The following ACAN variants were observed in gnomAD, a reference collection of about 807,000 sequenced individuals.
The protein encoded by ACAN is aggrecan core protein.
In ACAN, 47 loss-of-function variants were observed where a neutral mutation model predicts 169.1. That is an observed-to-expected ratio of 0.28 (90% CI 0.22 to 0.35). The LOEUF is 0.35. ACAN is among the 10% of genes least tolerant of loss of function. ACAN has a pLI of 1.00. For synonymous variants in ACAN, 1,115 were observed against 1,112.2 expected (o/e 1.00, Z -0.05); for missense variants, 2,716 against 2,759.9 (o/e 0.98, Z 0.36).
chr15:88,830,236 A>G (rs1398533208), intron 1 of ACAN, among the ~76,000 whole-genome samples: 1 of 152,228 alleles, frequency 6.6e-6, no homozygotes, highest in Non-Finnish European at 1.5e-5. Context: ...AGGACAGCAC[A>G]ATGAATGGAG....
Position 88,845,761 on chromosome 15 carries a change from T to G in ACAN, c.1308T>G (p.Thr436=), listed in dbSNP as rs1312932998. 6.2e-7 allele frequency: 1 copy of G among 1,610,388 alleles called. No homozygotes were observed. Among genetic ancestry groups the G allele is most frequent in the African/African-American group, 1.3e-5 (1 of 74,828 alleles). ...CCTTCGCTGAGGTTGAGAATGAGAC[T>G]GGAGAGGCCACCAGGCCCTGGGGCT... is the stretch of plus-strand genomic sequence containing the variant. ...ATAFAEVENE[T]GEATRPWGFP... Residue 436 remains threonine, a synonymous_variant, in exon 7 of 19, where the codon ACT becomes ACG. Coordinates refer to ENST00000560601, the MANE Select transcript of ACAN (RefSeq NM_001369268.1).
intron 1 of ACAN, among the ~76,000 whole-genome samples, chr15:88,819,165 C>T (rs1170496447): frequency 2.6e-5 from 4 of 152,110 alleles, no homozygotes; most frequent in Non-Finnish European, 4.4e-5. Context: ...TACAGGCTGG[C>T]AGAGGACTGG....
rs1436478586 is a variant in ACAN at position 88,857,040 on chromosome 15, G to A, written c.4455G>A (p.Glu1485=). The change falls in exon 12 of 19, where the codon GAG becomes GAA. Residue 1485 remains glutamate (E), a synonymous_variant. Transcript: ENST00000560601. ...EVLEISVSGV[E]DISGLPSGEV... is the part of the protein sequence containing the mutation. The stretch of plus-strand genomic sequence containing the variant: ...TAGAGATTTCTGTCTCTGGAGTAGA[G>A]GACATCAGTGGGCTTCCTTCTGGAG... The A allele has an allele frequency of 6.2e-7, 1 of 1,613,440 alleles. No individual in the cohort carries two copies. Among genetic ancestry groups the A allele is most frequent in the African/African-American group, 1.3e-5 (1 of 74,990 alleles).
In ACAN at chr15:88,874,751, A is replaced by C. The variant is rs1163279918; in HGVS notation, c.*270A>C. On this transcript the variant is annotated 3_prime_UTR_variant, in exon 19 of 19. Coordinates refer to ENST00000560601, the MANE Select transcript of ACAN (RefSeq NM_001369268.1). The surrounding 1 kb of genome is among the most constrained non-coding windows in gnomAD (Gnocchi z 7.3). ...TTTAGAGACATTTCTTCAATTTCCC[A>C]TCGTGCCTTTCCAGGGACCAGTGCA... 9.9e-6 allele frequency: 5 copies of C among 507,166 alleles called. No individual in the cohort carries two copies. The highest frequency in any genetic ancestry group is 7.7e-5 in the African/African-American group (4 of 51,808). The allele number at this position is 507,166 out of a possible 1,614,324, so 31.4% of individuals were successfully genotyped here.
intron 1 of ACAN, among the ~76,000 whole-genome samples, chr15:88,808,062 G>C (rs1031874055): frequency 6.6e-6 from 1 of 152,148 alleles, no homozygotes; most frequent in Non-Finnish European, 1.5e-5. Context: ...CTGTCTTTCT[G>C]TAATTGATTT....
Position 88,872,198 on chromosome 15 carries a change from A to C in ACAN, c.7302+113A>C. The C allele has an allele frequency of 1.1e-6, 1 of 912,310 alleles. No homozygotes were observed. Among genetic ancestry groups the C allele is most frequent in the South Asian group, 1.5e-5 (1 of 67,758 alleles). 56.5% of individuals were successfully genotyped at this position (912,310 alleles called of 1,614,324 possible). ...CAGACAGCCGCTTACCAGCTGCTGG[A>C]CCGGGAACCCTTGAGGGCAGGGATT... On this transcript the variant is annotated intron_variant, in intron 16 of 18. Transcript: ENST00000560601. This position sits in a 1 kb window ranked among gnomAD's most constrained non-coding sequence, Gnocchi z 5.4.
intron 5 of ACAN, 22 bp downstream of exon 5, chr15:88,841,889 G>A (rs759407428): frequency 2.5e-6 from 4 of 1,612,298 alleles, no homozygotes; most frequent in Non-Finnish European, 3.4e-6. Context: ...TGCCCACCAG[G>A]AGGCACCCAG....
Position 88,859,172 on chromosome 15 carries a change from C to G in ACAN, c.6587C>G (p.Thr2196Ser), listed in dbSNP as rs1249700502. ...SATPTASGDR[T>S]EISGDLSGHT... ...ACTCCCACGGCTTCTGGAGACAGGA[C>G]TGAAATCAGCGGAGACCTGTCTGGT... Residue 2196 changes from threonine to serine, a missense_variant, in exon 12 of 19, where the codon ACT (threonine) becomes AGT (serine). Thr to Ser is a moderately conservative substitution (Grantham distance 58). Around this residue, in one of 3 missense-constraint regions of ACAN, gnomAD observed 1,389 missense variants for 1,363.7 expected, o/e 1.02. Coordinates refer to ENST00000560601, the MANE Select transcript of ACAN (RefSeq NM_001369268.1). 4 of 1,613,722 alleles carry G rather than the reference C, an allele frequency of 2.5e-6. No homozygotes were observed. The South Asian group carries it at 4.4e-5, about 18-fold the overall frequency.
intron 11 of ACAN, among the ~76,000 whole-genome samples, chr15:88,853,339 A>T (rs988600205): frequency 6.9e-6 from 1 of 144,210 alleles, no homozygotes; most frequent in African/African-American, 2.9e-5. Context: ...GACTTGCTTT[A>T]AAAAAAAGAA....
rs1896826090 is a variant in ACAN, at chr15:88,847,539, A to G, written c.1604+122A>G. 2.8e-5 allele frequency: 34 copies of G among 1,203,950 alleles called. No individual in the cohort carries two copies. The South Asian group carries it at 3.4e-4, about 12-fold the overall frequency. 74.6% of individuals were successfully genotyped at this position (1,203,950 alleles called of 1,614,324 possible). On this transcript the variant is annotated intron_variant, in intron 8 of 18. Coordinates refer to ENST00000560601, the MANE Select transcript of ACAN (RefSeq NM_001369268.1). The stretch of plus-strand genomic sequence containing the variant: ...TACCTTGTGGGTTAATGAATGAATT[A>G]GTGACTCAACTGAGGCATATCCCGA...
rs753701070 is a variant in ACAN, at chr15:88,843,588, C to A, written c.991C>A (p.His331Asn). Residue 331 changes from histidine to asparagine, a missense_variant, in exon 6 of 19, where the codon CAT (histidine) becomes AAT (asparagine). This residue lies in a region of ACAN where 1,283 missense variants were observed against 1,281.5 expected (regional missense o/e 1.00). Transcript: ENST00000560601. The surrounding 1 kb of genome is among the most constrained non-coding windows in gnomAD (Gnocchi z 4.0). ...CCTGGGCGTGAGGACCGTCTACGTG[C>A]ATGCCAACCAGACGGGCTACCCCGA... ...NLLGVRTVYV[H>N]ANQTGYPDPS... The A allele has an allele frequency of 5.0e-6, 8 of 1,605,638 alleles. No homozygotes were observed. The Admixed American group carries it at 1.2e-4, about 23-fold the overall frequency.
At chr15:88,829,208 G>A (rs1896298985) in intron 1 of ACAN, among the ~76,000 whole-genome samples, 1 of 152,230 alleles carries the variant, frequency 6.6e-6, no homozygotes, top group African/African-American at 2.4e-5. Context: ...GAAGAAGGTG[G>A]GGAGAAGAGA....
chr15:88,844,116 A>T (rs962514025), intron 6 of ACAN, among the ~76,000 whole-genome samples: 1 of 151,904 alleles, frequency 6.6e-6, no homozygotes, highest in African/African-American at 2.4e-5. Flanking sequence ...GAGGGTCAAA[A>T]TGGGTTTTGT....
Position 88,857,809 on chromosome 15 carries a change from T to A in ACAN, c.5224T>A (p.Phe1742Ile). The A allele has an allele frequency of 6.2e-7, 1 of 1,613,204 alleles. No individual in the cohort carries two copies. The highest frequency in any genetic ancestry group is 8.5e-7 in the Non-Finnish European group (1 of 1,179,724). The change falls in exon 12 of 19, where the codon TTT becomes ATT. Residue 1742 changes from phenylalanine (F) to isoleucine (I), a missense_variant. Coordinates refer to ENST00000560601, the MANE Select transcript of ACAN (RefSeq NM_001369268.1). ...LFGVSGQPSG[F>I]PDTSGETSGV... ...TGGTGTCAGTGGACAGCCATCAGGG[T>A]TTCCTGACACTAGTGGGGAAACATC...
In ACAN at chr15:88,874,387, A is replaced by T; in HGVS notation, c.7631-18A>T. 7 of 1,587,142 alleles carry T rather than the reference A, an allele frequency of 4.4e-6. No homozygotes were observed. The highest frequency in any genetic ancestry group is 6.0e-6 in the Non-Finnish European group (7 of 1,166,248). On this transcript the variant is annotated intron_variant, in intron 18 of 18. Transcript: ENST00000560601. This position sits in a 1 kb window ranked among gnomAD's most constrained non-coding sequence, Gnocchi z 7.3. ...TTTCCAGGTCCACTGATATCTTTCC[A>T]TCTCCCTTTCGTCCTAGCCACCACC...
intron 12 of ACAN, among the ~76,000 whole-genome samples, chr15:88,859,743 G>A (rs1387176684): frequency 6.6e-6 from 1 of 152,342 alleles, no homozygotes; most frequent in Admixed American, 6.5e-5. Flanking sequence ...GTTTTTACAC[G>A]TGAATTCAAC....
In ACAN at chr15:88,872,333, A is replaced by G. The variant is rs527739319; in HGVS notation, c.7302+248A>G. 6.6e-6 allele frequency among the ~76,000 whole-genome samples: 1 copy of G among 152,222 alleles called. No homozygotes were observed. Among genetic ancestry groups the G allele is most frequent in the Non-Finnish European group, 1.5e-5 (1 of 68,040 alleles). On this transcript the variant is annotated intron_variant, in intron 16 of 18. Transcript: ENST00000560601. The surrounding 1 kb of genome is among the most constrained non-coding windows in gnomAD (Gnocchi z 5.4). ...AAATGAAGGAATAACAGCCACCACC[A>G]TGAGGAGTATACGGAAGCTTTAGAG...
Position 88,849,205 on chromosome 15 carries a change from A to ACC in ACAN, c.1733-232_1733-231dup, listed in dbSNP as rs1896869906. Among the ~76,000 whole-genome samples the ACC allele has an allele frequency of 2.6e-5, 4 of 152,296 alleles. No individual in the cohort carries two copies. In the South Asian group the frequency reaches 8.3e-4, roughly 32 times the overall value. On this transcript the variant is annotated intron_variant, in intron 9 of 18. Transcript: ENST00000560601. This position sits in a 1 kb window ranked among gnomAD's most constrained non-coding sequence, Gnocchi z 5.1. ...TTACGGGAATTTTGCCTTTTTTGGC[A>ACC]CCGAAAGTCCTATGTACCGGGAAAC...
At position 88,849,620 on chromosome 15, in the gene ACAN, C is replaced by T. The variant is rs769287861; in HGVS notation, c.1915C>T (p.Pro639Ser). The change falls in exon 10 of 19, where the codon CCA becomes TCA. Residue 639 changes from proline to serine, a missense_variant. By Grantham distance (74) the Pro-to-Ser change is moderately conservative. Around this residue, in one of 3 missense-constraint regions of ACAN, gnomAD observed 1,283 missense variants for 1,281.5 expected, o/e 1.00. Transcript: ENST00000560601. This position sits in a 1 kb window ranked among gnomAD's most constrained non-coding sequence, Gnocchi z 5.1. ...DGSLRYPIVTPRPACGGDKPG... is the reference protein window; with the variant it reads ...DGSLRYPIVTSRPACGGDKPG... ...CAGCCTCCGCTACCCCATCGTCACCCCAAGGCCTGCCTGCGGTGGGGACAA... is the reference window on the plus strand; with the variant it reads ...CAGCCTCCGCTACCCCATCGTCACCTCAAGGCCTGCCTGCGGTGGGGACAA... 6 of 1,612,340 alleles carry T rather than the reference C, an allele frequency of 3.7e-6. No individual in the cohort carries two copies. The highest frequency in any genetic ancestry group is 5.1e-6 in the Non-Finnish European group (6 of 1,179,476).
Sources: gnomAD v4.1 joint callset for allele counts (sites outside exome capture counted in the v4.1 genomes callset) on GRCh38, gnomAD v4.1.1 for gene constraint, gnomAD v4.1.1 regional missense constraint, Gnocchi (gnomAD v3.1) non-coding constraint, MANE v1.5 for transcripts, NCBI Gene and HGNC (gene_info 2026-07-23, HGNC 2026-07-21) for gene names.